The following ARAP2 variants were observed in gnomAD, a reference collection of about 807,000 sequenced individuals.
ARAP2 encodes ArfGAP with RhoGAP domain, ankyrin repeat and PH domain 2.
In ARAP2, 148 loss-of-function variants were observed where a neutral mutation model predicts 194.5. The ratio of observed to expected loss-of-function variants is 0.76; its 90% CI spans 0.67 to 0.87. ARAP2 has a LOEUF of 0.87. ARAP2 is among the 40% of genes least tolerant of loss of function. The pLI is 0.00. For synonymous variants in ARAP2, 695 were observed against 683.5 expected (o/e 1.02, Z -0.26); for missense variants, 2,128 against 1,989.7 (o/e 1.07, Z -1.32).
At chr4:36,177,706 T>C (rs762845061) in intron 9 of ARAP2, 121 bp downstream of exon 9, 2 of 914,560 alleles carry the variant, frequency 2.2e-6, no homozygotes, top group Admixed American at 3.1e-5. Flanking sequence ...GTATATTTAG[T>C]GGAGTACACA....
intron 1 of ARAP2, chr4:36,243,480 G>A (rs1185746444): frequency 2.0e-5 from 3 of 147,044 alleles, no homozygotes; most frequent in Admixed American, 6.8e-5. Context: ...TTATTTTCTT[G>A]TGTTTTCCTC....
intron 2 of ARAP2, among the ~76,000 whole-genome samples, chr4:36,055,461 A>T (rs1223440230): frequency 1.3e-5 from 2 of 152,242 alleles, no homozygotes; most frequent in Non-Finnish European, 2.9e-5. Context: ...GTTCTAAAAT[A>T]GTTGTTATAT....
chr4:36,140,753 G>A (rs961730884), intron 19 of ARAP2, among the ~76,000 whole-genome samples: 6 of 151,640 alleles, frequency 4.0e-5, no homozygotes, highest in Non-Finnish European at 8.9e-5. Context: ...CCATAATTGT[G>A]AAACATACTG....
At chr4:36,206,983 C>T (rs755332745) in intron 6 of ARAP2, among the ~76,000 whole-genome samples, 8 of 152,186 alleles carry the variant, frequency 5.3e-5, no homozygotes, top group South Asian at 2.1e-4. Flanking sequence ...TTATGCTGAA[C>T]GCACAAACAT....
At chr4:36,131,543 T>C (rs1432446319) in intron 20 of ARAP2, among the ~76,000 whole-genome samples, 1 of 151,564 alleles carries the variant, frequency 6.6e-6, no homozygotes, top group Non-Finnish European at 1.5e-5. Context: ...CATCTTGTAA[T>C]AGAGGTATAA....
chr4:36,056,884 G>C (rs912659653), intron 2 of ARAP2, among the ~76,000 whole-genome samples: 2 of 151,276 alleles, frequency 1.3e-5, no homozygotes, highest in Non-Finnish European at 3.0e-5. Context: ...CCCTGACAAT[G>C]CTTGCACATT....
At chr4:36,151,969 A>G (rs1731105566) in intron 15 of ARAP2, among the ~76,000 whole-genome samples, 1 of 152,220 alleles carries the variant, frequency 6.6e-6, no homozygotes, top group Non-Finnish European at 1.5e-5. Context: ...AACTAATTTA[A>G]AAGTTTAAGA....
chr4:36,122,241 A>T (rs570402996), intron 22 of ARAP2, among the ~76,000 whole-genome samples: 1 of 151,836 alleles, frequency 6.6e-6, no homozygotes, highest in Non-Finnish European at 1.5e-5. Flanking sequence ...CAGAAATATC[A>T]TTCAACCCAG....
At chr4:36,160,097 C>CT (rs797001809) in intron 13 of ARAP2, 207 of 980,000 alleles carry the variant, frequency 2.1e-4, no homozygotes, top group Middle Eastern at 5.2e-4. Context: ...TGTTAGAATC[C>CT]TTTTTTTTTC....
intron 2 of ARAP2, among the ~76,000 whole-genome samples, chr4:36,216,697 G>A (rs139551176): frequency 7.4e-4 from 113 of 152,104 alleles, no homozygotes; most frequent in Middle Eastern, 6.8e-3. Context: ...AAATAGTGGT[G>A]TATGGATCCA....
intron 21 of ARAP2, among the ~76,000 whole-genome samples, 175 bp from the exon 22 acceptor site, chr4:36,125,142 A>G (rs1167968174): frequency 6.6e-6 from 1 of 152,020 alleles, no homozygotes; most frequent in East Asian, 1.9e-4. Context: ...AATCTGGAAA[A>G]GCATTTATTT....
At chr4:36,143,782 AT>A (rs1172961495) in intron 19 of ARAP2, among the ~76,000 whole-genome samples, 3 of 151,912 alleles carry the variant, frequency 2.0e-5, no homozygotes, top group African/African-American at 7.2e-5. Context: ...CACTCCTATT[AT>A]TACTCTTCAC....
rs1044076192 is a variant in ARAP2, at chr4:36,244,265, C to G, written c.-246G>C. On this transcript the variant is annotated 5_prime_UTR_variant, in exon 1 of 33. Coordinates refer to ENST00000303965, the MANE Select transcript of ARAP2 (RefSeq NM_015230.4). ...GGCGTCTCTCCCAGCCTTGGGCGCT[C>G]GGTCCTCGCCCCTCTGCCGGAGGCG... 1 of 151,962 alleles carries G rather than the reference C, an allele frequency of 6.6e-6. No individual in the cohort carries two copies. Among genetic ancestry groups the G allele is most frequent in the Admixed American group, 6.5e-5 (1 of 15,284 alleles). The allele number at this position is 151,962 out of a possible 1,614,324, so 9.4% of individuals were successfully genotyped here. A position where few individuals can be genotyped will look rare whatever the true frequency, so the allele number is the denominator to read the frequency against.
chr4:36,205,082 G>GA (rs1467678398), intron 6 of ARAP2, among the ~76,000 whole-genome samples: 19 of 136,492 alleles, frequency 1.4e-4, no homozygotes, highest in Non-Finnish European at 2.4e-4. Flanking sequence ...CATTGTCAAT[G>GA]AAAAAAATTA....
At chr4:36,042,541 T>G (rs1721040961) in intron 5 of ARAP2, among the ~76,000 whole-genome samples, 1 of 152,248 alleles carries the variant, frequency 6.6e-6, no homozygotes, top group Non-Finnish European at 1.5e-5. Flanking sequence ...ATTAGGCACT[T>G]GTAACTGTTT....
intron 24 of ARAP2, among the ~76,000 whole-genome samples, chr4:36,118,304 AAACTT>A (rs1450388032): frequency 1.3e-5 from 2 of 150,732 alleles, no homozygotes; most frequent in Admixed American, 1.3e-4. Flanking sequence ...AAAAAAAAAA[AAACTT>A]AAAAAGTAAA....
rs534589446 is a variant in ARAP2, at chr4:36,059,144, C to T, written n.148-1001G>A. Among the ~76,000 whole-genome samples the T allele has an allele frequency of 2.6e-5, 4 of 152,194 alleles. No homozygotes were observed. In the South Asian group the frequency reaches 8.3e-4, roughly 32 times the overall value. ...GGTGCATTGGAACAATCATTTCCAA[C>T]TTGTATTTATATTTAAATATATTTT... On this transcript the variant is annotated intron_variant and non_coding_transcript_variant, in intron 1 of 12. Coordinates refer to the ARAP2 transcript ENST00000503225.
rs138499476 is a variant in ARAP2, at chr4:36,210,536, A to G, written c.1341T>C (p.Asn447=). The G allele has an allele frequency of 2.5e-6, 4 of 1,613,960 alleles. No homozygotes were observed. The African/African-American group carries it at 4.0e-5, about 16-fold the overall frequency. ...TQKALILDSV[N]RHSYPLSSTS... ...TTGAGCTTAACGGATAACTGTGCCT[A>G]TTAACGGAGTCCAAAATCAAGGCTT... Residue 447 remains asparagine, a synonymous_variant, in exon 6 of 33, where the codon AAT becomes AAC. Coordinates refer to ENST00000303965, the MANE Select transcript of ARAP2 (RefSeq NM_015230.4).
At chr4:36,016,412 G>A (rs1226156014) in intron 6 of ARAP2, among the ~76,000 whole-genome samples, 1 of 151,994 alleles carries the variant, frequency 6.6e-6, no homozygotes, top group Non-Finnish European at 1.5e-5. Flanking sequence ...TATATCTAAA[G>A]CATTTTGCAC....
Sources: allele counts gnomAD v4.1 joint callset (sites outside exome capture counted in the v4.1 genomes callset), GRCh38; gene constraint gnomAD v4.1.1; transcripts MANE v1.5; gene names NCBI Gene and HGNC (gene_info 2026-07-23, HGNC 2026-07-21).